NTN1: variants seen among roughly 807,000 people sequenced by gnomAD.
NTN1 encodes the protein netrin 1.
NTN1 carries 11 observed loss-of-function variants against 54.2 expected under a neutral mutation model. That is an observed-to-expected ratio of 0.20 (90% CI 0.13 to 0.34). The LOEUF (loss-of-function observed/expected upper bound fraction) is 0.34, where lower values mean the gene tolerates loss of function less well. Among genes scored for constraint, NTN1 ranks in the 10% least tolerant of loss-of-function variants. The probability of loss-of-function intolerance (pLI) is 1.00; values close to 1 mark genes in which losing one functional copy is unlikely to be tolerated. For missense variants in NTN1, 740 were observed against 893.1 expected (o/e 0.83, Z 2.18); for synonymous variants, 371 against 382.0 (o/e 0.97, Z 0.33).
At position 9,022,629 on chromosome 17, in the gene NTN1, G is replaced by C. The variant is rs548182167; in HGVS notation, c.256G>C (p.Glu86Gln). 4 of 1,554,792 alleles carry C rather than the reference G, an allele frequency of 2.6e-6. No homozygotes were observed. The South Asian group carries it at 3.5e-5, about 14-fold the overall frequency. ...RYCVVSERGE[E>Q]RLRSCHLCNA... is the part of the protein sequence containing the mutation. Reference sequence around the variant, plus strand: ...CTGCGTGGTGAGCGAGCGCGGCGAGGAGCGGCTGCGCTCGTGCCACCTCTG... The same window carrying C: ...CTGCGTGGTGAGCGAGCGCGGCGAGCAGCGGCTGCGCTCGTGCCACCTCTG... Residue 86 changes from glutamate to glutamine, a missense_variant, in exon 2 of 7, where the codon GAG (glutamate) becomes CAG (glutamine). By Grantham distance (29) the Glu-to-Gln change is conservative (BLOSUM62 2). Transcript: ENST00000173229.
At chr17:9,003,805 G>T in the NTN1 span, among the ~76,000 whole-genome samples, 1 of 152,154 alleles carries the variant, frequency 6.6e-6, no homozygotes, top group African/African-American at 2.4e-5. This position sits in a 1 kb window ranked among gnomAD's most constrained non-coding sequence, Gnocchi z 7.4. Context: ...CTGAACAGAG[G>T]TGGGAAGAAA....
intron 2 of NTN1, among the ~76,000 whole-genome samples, chr17:9,115,069 G>A (rs893215685): frequency 6.6e-6 from 1 of 152,226 alleles, no homozygotes; most frequent in Non-Finnish European, 1.5e-5. Flanking sequence ...CCAGGCCGGG[G>A]GTGCAGTAGA....
chr17:9,230,110 C>T (rs1375652702), intron 6 of NTN1, among the ~76,000 whole-genome samples: 1 of 152,158 alleles, frequency 6.6e-6, no homozygotes, highest in Non-Finnish European at 1.5e-5. Flanking sequence ...ACCTTGGAGT[C>T]AATGGCTATT....
chr17:9,089,310 G>A (rs1021694545), intron 2 of NTN1, among the ~76,000 whole-genome samples: 1 of 152,080 alleles, frequency 6.6e-6, no homozygotes, highest in Non-Finnish European at 1.5e-5. Flanking sequence ...AGCTACTCGG[G>A]AGGCTGAGAC....
chr17:9,043,964 A>C (rs1456280110), intron 2 of NTN1, among the ~76,000 whole-genome samples: 1 of 151,962 alleles, frequency 6.6e-6, no homozygotes, highest in African/African-American at 2.4e-5. Context: ...TTTGAGTTGA[A>C]TGCTCAGTTC....
the NTN1 span, among the ~76,000 whole-genome samples, chr17:9,014,885 A>G: frequency 6.6e-6 from 1 of 152,170 alleles, no homozygotes; most frequent in Non-Finnish European, 1.5e-5. Context: ...TCTGACTAAG[A>G]GCTCCAAACT....
chr17:9,203,024 C>T (rs557476573), intron 5 of NTN1, among the ~76,000 whole-genome samples: 1 of 152,180 alleles, frequency 6.6e-6, no homozygotes, highest in Admixed American at 6.5e-5. Flanking sequence ...CGGGTTCACA[C>T]CATTCTCCTG....
intron 6 of NTN1, among the ~76,000 whole-genome samples, chr17:9,236,586 C>T (rs1905999751): frequency 6.6e-6 from 1 of 152,246 alleles, no homozygotes; most frequent in Non-Finnish European, 1.5e-5. Context: ...AGTCCTACCA[C>T]TACCTGTCCC....
At chr17:9,227,415 C>T (rs575742168) in intron 6 of NTN1, among the ~76,000 whole-genome samples, 407 of 150,098 alleles carry the variant, frequency 2.7e-3, no homozygotes, top group Non-Finnish European at 4.3e-3. Context: ...ACACCACATG[C>T]ACACATACAT....
At chr17:9,156,245 T>C (rs554267992) in intron 2 of NTN1, among the ~76,000 whole-genome samples, 1 of 152,056 alleles carries the variant, frequency 6.6e-6, no homozygotes, top group East Asian at 1.9e-4. Flanking sequence ...TTGGTTTTTT[T>C]TTTTTTTTGG....
intron 5 of NTN1, among the ~76,000 whole-genome samples, chr17:9,184,927 T>G (rs1431817392): frequency 1.3e-5 from 2 of 152,258 alleles, no homozygotes; most frequent in African/African-American, 4.8e-5. Flanking sequence ...TTGAAATGTC[T>G]TCTTTGAGTT....
chr17:9,093,279 T>C (rs1266793996), intron 2 of NTN1, among the ~76,000 whole-genome samples: 1 of 152,262 alleles, frequency 6.6e-6, no homozygotes, highest in Non-Finnish European at 1.5e-5. Context: ...AATACTGCTA[T>C]GAACATAGGT....
At chr17:9,078,853 C>T (rs2092060323) in intron 2 of NTN1, among the ~76,000 whole-genome samples, 1 of 152,204 alleles carries the variant, frequency 6.6e-6, no homozygotes, top group South Asian at 2.1e-4. Flanking sequence ...AGAAATGATG[C>T]GGTTTGCTCC....
At chr17:9,226,338 A>T (rs1170263318) in intron 6 of NTN1, among the ~76,000 whole-genome samples, 1 of 151,966 alleles carries the variant, frequency 6.6e-6, no homozygotes, top group Non-Finnish European at 1.5e-5. Flanking sequence ...TGGAGGGCAC[A>T]TGATATCCTT....
chr17:9,082,734 G>A (rs1259607706), intron 2 of NTN1, among the ~76,000 whole-genome samples: 1 of 147,716 alleles, frequency 6.8e-6, no homozygotes, highest in Non-Finnish European at 1.5e-5. Flanking sequence ...TTTAATTTTG[G>A]ATGACAGAAT....
chr17:9,210,626 A>G (rs1905081616), intron 5 of NTN1, among the ~76,000 whole-genome samples: 1 of 152,084 alleles, frequency 6.6e-6, no homozygotes, highest in South Asian at 2.1e-4. Context: ...GAAGAGCCTC[A>G]CCTCGGCCGG....
At chr17:9,006,321 G>A in the NTN1 span, among the ~76,000 whole-genome samples, 1 of 152,204 alleles carries the variant, frequency 6.6e-6, no homozygotes. Context: ...CCTCCAGAAA[G>A]GTCAGCTTGG....
intron 2 of NTN1, among the ~76,000 whole-genome samples, chr17:9,106,521 C>A (rs1567711948): frequency 2.5e-5 from 2 of 78,496 alleles, no homozygotes; most frequent in Non-Finnish European, 5.3e-5. Context: ...TCCTTCCTTC[C>A]TTCCTTCCTT....
intron 5 of NTN1, among the ~76,000 whole-genome samples, chr17:9,202,705 T>C (rs989911444): frequency 3.3e-5 from 5 of 152,282 alleles, no homozygotes; most frequent in African/African-American, 1.2e-4. Context: ...CTCTTCCAAA[T>C]GTATCACCAA....
Sources: gnomAD v4.1 joint callset for allele counts (sites outside exome capture counted in the v4.1 genomes callset) on GRCh38, gnomAD v4.1.1 for gene constraint, Gnocchi (gnomAD v3.1) non-coding constraint, MANE v1.5 for transcripts, NCBI Gene and HGNC (gene_info 2026-07-23, HGNC 2026-07-21) for gene names.